The following TTC28 variants were observed in gnomAD, a reference collection of about 807,000 sequenced individuals.
TTC28 encodes tetratricopeptide repeat protein 28.
A neutral mutation model predicts 198.0 loss-of-function variants in TTC28; 61 were observed. The ratio of observed to expected loss-of-function variants is 0.31; its 90% CI spans 0.25 to 0.38. The LOEUF (loss-of-function observed/expected upper bound fraction) is 0.38. Among genes scored for constraint, TTC28 ranks in the 10% least tolerant of loss-of-function variants. The probability of loss-of-function intolerance (pLI) is 1.00; values close to 1 mark genes in which losing one functional copy is unlikely to be tolerated. For synonymous variants in TTC28, 1,171 were observed against 1,297.8 expected (o/e 0.90, Z 2.10); for missense variants, 2,678 against 3,164.0 (o/e 0.85, Z 3.69).
chr22:28,646,037 G>A (rs28818228), intron 1 of TTC28, among the ~76,000 whole-genome samples: 20,745 of 152,036 alleles, frequency 0.14, 1,669 homozygotes, highest in African/African-American at 0.2. Flanking sequence ...ATTTTCACCA[G>A]TTCTATTCAA....
intron 2 of TTC28, among the ~76,000 whole-genome samples, chr22:28,405,313 T>C (rs944075484): frequency 6.6e-6 from 1 of 152,232 alleles, no homozygotes; most frequent in African/African-American, 2.4e-5. Context: ...GTGTTATTTC[T>C]ATTTGTCATT....
At chr22:28,375,049 C>T (rs1025180131) in intron 2 of TTC28, among the ~76,000 whole-genome samples, 6 of 151,872 alleles carry the variant, frequency 4.0e-5, no homozygotes, top group Admixed American at 6.6e-5. Context: ...GATCCTGGCA[C>T]TGCACTCCAG....
At chr22:28,325,880 T>C (rs2045522212) in intron 2 of TTC28, among the ~76,000 whole-genome samples, 1 of 152,134 alleles carries the variant, frequency 6.6e-6, no homozygotes, top group African/African-American at 2.4e-5. Flanking sequence ...AACCTGAAAC[T>C]CTTATATATT....
At chr22:28,108,933 C>CA (rs919159273) in intron 6 of TTC28, among the ~76,000 whole-genome samples, 6 of 152,046 alleles carry the variant, frequency 3.9e-5, no homozygotes, top group African/African-American at 1.4e-4. Context: ...AATTAGCAAA[C>CA]AAAAAAATTA....
chr22:28,289,580 C>A lies in TTC28; in HGVS notation c.933+6618G>T, dbSNP rs77575203. Among the ~76,000 whole-genome samples the A allele has an allele frequency of 6.1e-3, 924 of 152,298 alleles. 7 individuals are homozygous for A. Among genetic ancestry groups the A allele is most frequent in the Non-Finnish European group, 8.7e-3 (592 of 68,022 alleles). ...AGCTATGCATTCGTGTGTCTGTAGT[C>A]CCAGCCACTCAGGGGGCTGAGGCAG... On this transcript the variant is annotated intron_variant, in intron 5 of 22. Transcript: ENST00000397906.
At chr22:28,162,950 A>G (rs1921393875) in intron 6 of TTC28, 142 bp downstream of exon 6, 1 of 1,204,544 alleles carries the variant, frequency 8.3e-7, no homozygotes, top group Non-Finnish European at 1.1e-6. Context: ...TCTCAAAAAG[A>G]AAAGGAAAAG....
chr22:28,274,719 G>T (rs573522444), intron 5 of TTC28, among the ~76,000 whole-genome samples: 2 of 152,240 alleles, frequency 1.3e-5, no homozygotes, highest in East Asian at 3.9e-4. Flanking sequence ...GGTGGCTCAC[G>T]CCTGTAATCC....
At chr22:28,561,216 G>A (rs1003460038) in intron 2 of TTC28, among the ~76,000 whole-genome samples, 1 of 151,792 alleles carries the variant, frequency 6.6e-6, no homozygotes, top group Non-Finnish European at 1.5e-5. Flanking sequence ...TGGGACTACA[G>A]GCACCCACCG....
At chr22:28,463,473 T>C (rs554262808) in intron 2 of TTC28, among the ~76,000 whole-genome samples, 22 of 152,312 alleles carry the variant, frequency 1.4e-4, no homozygotes, top group South Asian at 4.1e-4. Context: ...CATGTGTTTA[T>C]TGCAGCACTA....
rs762688264 is a variant in TTC28 at position 28,107,184 on chromosome 22, G to A, written c.2661C>T (p.Tyr887=). 3.2e-5 allele frequency: 50 copies of A among 1,551,522 alleles called. No homozygotes were observed. The highest frequency in any genetic ancestry group is 4.1e-5 in the African/African-American group (3 of 73,016). The change falls in exon 7 of 23, where the codon TAC becomes TAT. Residue 887 remains tyrosine, a synonymous_variant. Transcript: ENST00000397906. ...GRAYGNLGDC[Y]EALGDYEEAI... ...CTTCCTCATAGTCACCCAGGGCTTC[G>A]TAGCAATCCCCCAGGTTGCCATAGG... is the stretch of plus-strand genomic sequence containing the variant.
chr22:28,032,204 A>T (rs1174356229), intron 12 of TTC28, among the ~76,000 whole-genome samples: 4 of 112,780 alleles, frequency 3.5e-5, no homozygotes, highest in South Asian at 2.4e-4. Flanking sequence ...TATATATATA[A>T]AATATATATA....
chr22:28,296,067 A>C, intron 5 of TTC28, 131 bp downstream of exon 5: 1 of 933,026 alleles, frequency 1.1e-6, no homozygotes, highest in Non-Finnish European at 1.5e-6. Flanking sequence ...AGAATCAGTA[A>C]GTCTCAAGTA....
chr22:28,082,107 T>C (rs1941386554), intron 12 of TTC28, among the ~76,000 whole-genome samples: 1 of 152,220 alleles, frequency 6.6e-6, no homozygotes, highest in Non-Finnish European at 1.5e-5. Flanking sequence ...TGATTTCATA[T>C]CCTGCAGATT....
intron 2 of TTC28, among the ~76,000 whole-genome samples, chr22:28,380,327 A>C (rs2046475600): frequency 6.6e-6 from 1 of 152,140 alleles, no homozygotes; most frequent in Admixed American, 6.5e-5. Context: ...TATACAGGAT[A>C]ATAAGGGCAA....
chr22:28,065,380 C>T (rs1471113579), intron 12 of TTC28, among the ~76,000 whole-genome samples: 2 of 152,202 alleles, frequency 1.3e-5, no homozygotes, highest in Admixed American at 6.5e-5. Flanking sequence ...GCGTATGCTT[C>T]GAGGTCACTG....
chr22:28,679,519 CTT>C, intron 1 of TTC28, 101 bp downstream of exon 1: 1 of 766,302 alleles, frequency 1.3e-6, no homozygotes. Context: ...TGCGAGACGC[CTT>C]CCGCCTCGCA....
chr22:28,404,648 G>T (rs1027539549), intron 2 of TTC28, among the ~76,000 whole-genome samples: 1 of 152,032 alleles, frequency 6.6e-6, no homozygotes, highest in Non-Finnish European at 1.5e-5. Context: ...ACTCACCCCT[G>T]ATTTTCTCAC....
rs931781606 is a variant in TTC28, at chr22:28,203,650, C to G, written c.934-40051G>C. Among the ~76,000 whole-genome samples the G allele has an allele frequency of 1.1e-4, 17 of 152,112 alleles. 1 individual carries two copies. The highest frequency in any genetic ancestry group is 3.9e-4 in the African/African-American group (16 of 41,434). On this transcript the variant is annotated intron_variant, in intron 5 of 22. Coordinates refer to ENST00000397906, the MANE Select transcript of TTC28 (RefSeq NM_001145418.2). Reference sequence around the variant, plus strand: ...ATTCTATATCCCTGTGATCAGGAGTCTAACGTGCAGAAGATTTTTTAAAGC... The same window carrying G: ...ATTCTATATCCCTGTGATCAGGAGTGTAACGTGCAGAAGATTTTTTAAAGC...
intron 5 of TTC28, among the ~76,000 whole-genome samples, chr22:28,232,562 T>C (rs980555650): frequency 2.0e-5 from 3 of 152,166 alleles, no homozygotes; most frequent in African/African-American, 7.2e-5. Context: ...TTAACATTTG[T>C]TTTGCAAATG....
Sources: gnomAD v4.1 joint callset for allele counts (sites outside exome capture counted in the v4.1 genomes callset) on GRCh38, gnomAD v4.1.1 for gene constraint, MANE v1.5 for transcripts, NCBI Gene and HGNC (gene_info 2026-07-23, HGNC 2026-07-21) for gene names.